The following RHBDL2 variants were observed in gnomAD, a reference collection of about 807,000 sequenced individuals.
The protein encoded by RHBDL2 is rhomboid-related protein 2.
Under a neutral mutation model 31.7 loss-of-function variants are expected in RHBDL2, and 26 were observed. That is an observed-to-expected ratio of 0.82 (90% confidence interval 0.60 to 1.14). RHBDL2 has a LOEUF of 1.14. RHBDL2 is among the 50% of genes most tolerant of loss of function. The pLI is 0.00. For synonymous variants in RHBDL2, 123 were observed against 127.2 expected (o/e 0.97, Z 0.22); for missense variants, 336 against 364.4 (o/e 0.92, Z 0.63).
chr1:38,903,102 G>A (rs1188189641), intron 4 of RHBDL2, among the ~76,000 whole-genome samples: 1 of 151,930 alleles, frequency 6.6e-6, no homozygotes, highest in Non-Finnish European at 1.5e-5. Context: ...ATACCAAAAA[G>A]TATATATTTT....
chr1:38,930,898 T>C (rs1294648828), intron 1 of RHBDL2, among the ~76,000 whole-genome samples: 1 of 152,210 alleles, frequency 6.6e-6, no homozygotes, highest in Non-Finnish European at 1.5e-5. Flanking sequence ...TGCACAGGAC[T>C]AGGAGTTTCT....
intron 1 of RHBDL2, chr1:38,926,132 A>C (rs1643372077): frequency 8.8e-7 from 1 of 1,136,438 alleles, no homozygotes. Context: ...GCATGTCCCT[A>C]GGCAGCTAGG....
At chr1:38,939,436 T>C (rs1643540159) in intron 1 of RHBDL2, among the ~76,000 whole-genome samples, 1 of 152,048 alleles carries the variant, frequency 6.6e-6, no homozygotes, top group Non-Finnish European at 1.5e-5. Context: ...CCAAGGCAGG[T>C]GGATCACTCG....
rs932835857 is a variant in RHBDL2 at position 38,929,651 on chromosome 1, G to A, written c.-125-10314C>T. ...AGCTCAGGAGGCTGGGCAGCGGGCTGTGCTGGGTGTAGCCAATTGCTGCCC... is the reference window on the plus strand; with the variant it reads ...AGCTCAGGAGGCTGGGCAGCGGGCTATGCTGGGTGTAGCCAATTGCTGCCC... On this transcript the variant is annotated intron_variant, in intron 1 of 7. Coordinates refer to ENST00000372990, the MANE Select transcript of RHBDL2 (RefSeq NM_017821.5). The A allele has an allele frequency of 6.0e-6, 7 of 1,162,506 alleles. No individual in the cohort carries two copies. In the African/African-American group the frequency reaches 1.1e-4, roughly 19 times the overall value. The allele number at this position is 1,162,506 out of a possible 1,614,324, so 72.0% of individuals were successfully genotyped here.
At chr1:38,910,803 G>T (rs1181338313) in intron 4 of RHBDL2, among the ~76,000 whole-genome samples, 2 of 135,266 alleles carry the variant, frequency 1.5e-5, no homozygotes, top group African/African-American at 5.6e-5. Context: ...ACAGAGTCTC[G>T]CTCTGTTGCC....
intron 1 of RHBDL2, among the ~76,000 whole-genome samples, chr1:38,923,350 C>T (rs1643338536): frequency 6.6e-6 from 1 of 152,166 alleles, no homozygotes; most frequent in Non-Finnish European, 1.5e-5. Context: ...GAATTATAAA[C>T]AACCTAGATG....
intron 1 of RHBDL2, among the ~76,000 whole-genome samples, chr1:38,921,823 C>T (rs956961449): frequency 6.6e-6 from 1 of 152,112 alleles, no homozygotes; most frequent in African/African-American, 2.4e-5. Context: ...ATTGACAAAA[C>T]TACAATGTGG....
At chr1:38,930,464 T>C (rs1643427740) in intron 1 of RHBDL2, among the ~76,000 whole-genome samples, 1 of 152,216 alleles carries the variant, frequency 6.6e-6, no homozygotes, top group Admixed American at 6.5e-5. Flanking sequence ...ATATTACATA[T>C]ATTTGTGTAC....
At chr1:38,909,759 GAATTA>G (rs892893306) in intron 4 of RHBDL2, among the ~76,000 whole-genome samples, 1 of 151,586 alleles carries the variant, frequency 6.6e-6, no homozygotes, top group Non-Finnish European at 1.5e-5. Flanking sequence ...ATAAATTAAT[GAATTA>G]AATTAAATTA....
At chr1:38,933,104 A>G (rs1390004682) in intron 1 of RHBDL2, among the ~76,000 whole-genome samples, 1 of 152,190 alleles carries the variant, frequency 6.6e-6, no homozygotes, top group East Asian at 1.9e-4. Context: ...ATAAGATCCT[A>G]TATGACCTAG....
At chr1:38,927,405 C>T (rs543908184) in intron 1 of RHBDL2, among the ~76,000 whole-genome samples, 3 of 152,056 alleles carry the variant, frequency 2.0e-5, no homozygotes, top group Admixed American at 1.3e-4. Flanking sequence ...CCAGCCTGGG[C>T]GACAGAGCCA....
Position 38,893,205 on chromosome 1 carries a change from G to A in RHBDL2, c.629C>T (p.Pro210Leu), listed in dbSNP as rs1335976087. 3.2e-6 allele frequency: 5 copies of A among 1,565,612 alleles called. No homozygotes were observed. Among genetic ancestry groups the A allele is most frequent in the African/African-American group, 1.4e-5 (1 of 74,042 alleles). The change falls in exon 6 of 8, where the codon CCT (proline) becomes CTT (leucine). Residue 210 changes from proline (P) to leucine (L), a missense_variant. Transcript: ENST00000372990. ...NVLVNFQEMI[P>L]AFGIFRLLII... ...CAGCAGTCTGAAAATTCCAAAGGCA[G>A]GAATCATTTCTTGAAAATTCTTAAA...
chr1:38,895,624 C>T (rs1185891389), intron 5 of RHBDL2, among the ~76,000 whole-genome samples: 1 of 152,016 alleles, frequency 6.6e-6, no homozygotes, highest in Admixed American at 6.6e-5. Flanking sequence ...GGCAACATGG[C>T]GAAACCCTGG....
At chr1:38,907,527 C>T (rs964332192) in intron 4 of RHBDL2, among the ~76,000 whole-genome samples, 9 of 151,730 alleles carry the variant, frequency 5.9e-5, no homozygotes, top group East Asian at 1.9e-4. Flanking sequence ...GCGACAAAAG[C>T]GCAACTCTGT....
intron 6 of RHBDL2, among the ~76,000 whole-genome samples, chr1:38,891,006 C>T (rs1413020586): frequency 2.0e-5 from 3 of 152,040 alleles, no homozygotes; most frequent in East Asian, 1.9e-4. Flanking sequence ...CAGTGGCTCA[C>T]GGCTGTAATC....
chr1:38,915,097 T>C (rs1024041405), intron 3 of RHBDL2, among the ~76,000 whole-genome samples: 3 of 151,906 alleles, frequency 2.0e-5, no homozygotes, highest in African/African-American at 7.2e-5. Context: ...GTCCTAGCTC[T>C]GCAACTTAGC....
intron 4 of RHBDL2, among the ~76,000 whole-genome samples, chr1:38,905,092 A>G (rs1308585014): frequency 6.8e-6 from 1 of 147,938 alleles, no homozygotes; most frequent in Admixed American, 6.8e-5. Context: ...TCCTCTCCAA[A>G]AGATATTAAG....
intron 1 of RHBDL2, chr1:38,929,567 A>G (rs1643417506): frequency 7.8e-7 from 1 of 1,288,378 alleles, no homozygotes; most frequent in South Asian, 1.2e-5. Context: ...GGCCCCACCC[A>G]TTCATTGGTA....
chr1:38,898,503 CAT>C (rs954749845), intron 4 of RHBDL2, among the ~76,000 whole-genome samples: 33 of 152,162 alleles, frequency 2.2e-4, no homozygotes, highest in African/African-American at 7.7e-4. Context: ...CACTGGACAA[CAT>C]ATAGGAAAGA....
Sources: gnomAD v4.1 joint callset for allele counts (sites outside exome capture counted in the v4.1 genomes callset) on GRCh38, gnomAD v4.1.1 for gene constraint, MANE v1.5 for transcripts, NCBI Gene and HGNC (gene_info 2026-07-23, HGNC 2026-07-21) for gene names.